The following ZIK1 variants were observed in gnomAD, a reference collection of about 807,000 sequenced individuals.
The protein encoded by ZIK1 is zinc finger protein interacting with K protein 1.
Under a neutral mutation model 10.7 loss-of-function variants are expected in ZIK1, and 12 were observed. The observed-to-expected ratio is 1.12, with a 90% CI of 0.72 to 1.81. ZIK1 has a LOEUF of 1.81. ZIK1 is among the 40% of genes most tolerant of loss of function. ZIK1 has a pLI of 0.00. For missense variants in ZIK1, 497 were observed against 585.7 expected, an observed-to-expected ratio of 0.85 and a Z score of 1.56; for synonymous variants, 190 against 205.0, an observed-to-expected ratio of 0.93 and a Z score of 0.63.
At chr19:57,585,257 C>T (rs1979040815) in intron 2 of ZIK1, among the ~76,000 whole-genome samples, 1 of 152,190 alleles carries the variant, frequency 6.6e-6, no homozygotes, top group African/African-American at 2.4e-5. Context: ...CACAACTCTC[C>T]TTTCTTTCTC....
intron 1 of ZIK1, 28 bp downstream of exon 1, chr19:57,584,417 C>T (rs754367668): frequency 1.2e-6 from 2 of 1,604,864 alleles, no homozygotes; most frequent in South Asian, 1.1e-5. Context: ...TGGGCCTCAC[C>T]CTCCATCCCC....
Position 57,591,163 on chromosome 19 carries a change from T to C in ZIK1, c.1352T>C (p.Ile451Thr). The change falls in exon 4 of 4, where the codon ATT (isoleucine) becomes ACT (threonine). Residue 451 changes from isoleucine (I) to threonine (T), a missense_variant. Physicochemically the swap from Ile to Thr is moderately conservative, Grantham distance 89 (BLOSUM62 -1). Coordinates refer to ENST00000597850, the MANE Select transcript of ZIK1 (RefSeq NM_001010879.4). The stretch of plus-strand genomic sequence containing the variant: ...TCCTTTAGCCAAAAGTCTGGTCTCA[T>C]TCAACACCAAGTGGTTCACACTGGA... ...GKSFSQKSGL[I>T]QHQVVHTGER... is the part of the protein sequence containing the mutation. 2.5e-6 allele frequency: 4 copies of C among 1,614,106 alleles called. No homozygotes were observed. The highest frequency in any genetic ancestry group is 3.4e-6 in the Non-Finnish European group (4 of 1,180,014).
Position 57,590,047 on chromosome 19 carries a change from C to T in ZIK1, c.236C>T (p.Ser79Phe), listed in dbSNP as rs766499307. The T allele has an allele frequency of 6.2e-7, 1 of 1,614,194 alleles. No individual in the cohort carries two copies. The highest frequency in any genetic ancestry group is 8.5e-7 in the Non-Finnish European group (1 of 1,180,012). Reference protein sequence around the residue: ...GHGTEDEETPSDQNVSVGVSQ... With the variant: ...GHGTEDEETPFDQNVSVGVSQ... Reference sequence around the variant, plus strand: ...GGAACAGAGGATGAAGAGACACCTTCTGACCAGAATGTTTCTGTAGGAGTG... The same window carrying T: ...GGAACAGAGGATGAAGAGACACCTTTTGACCAGAATGTTTCTGTAGGAGTG... The change falls in exon 4 of 4, where the codon TCT becomes TTT. Residue 79 changes from serine (S) to phenylalanine (F), a missense_variant. Coordinates refer to ENST00000597850, the MANE Select transcript of ZIK1 (RefSeq NM_001010879.4).
Position 57,592,476 on chromosome 19 carries a change from T to C in ZIK1, c.*1201T>C, listed in dbSNP as rs1365486014. On this transcript the variant is annotated 3_prime_UTR_variant, in exon 4 of 4. Transcript: ENST00000597850. The stretch of plus-strand genomic sequence containing the variant: ...TTAAAGGGTTTTATTTTTTAATTCT[T>C]GTTGGTTTTCTAGGTTGTTCACCTC... 1.3e-5 allele frequency: 2 copies of C among 152,232 alleles called. No individual in the cohort carries two copies. Among genetic ancestry groups the C allele is most frequent in the African/African-American group, 4.8e-5 (2 of 41,452 alleles). The allele number at this position is 152,232 out of a possible 1,614,324, so 9.4% of individuals were successfully genotyped here.
chr19:57,590,765 T>C lies in ZIK1; in HGVS notation c.954T>C (p.Thr318=). 6.2e-7 allele frequency: 1 copy of C among 1,614,142 alleles called. No individual in the cohort carries two copies. Among genetic ancestry groups the C allele is most frequent in the Non-Finnish European group, 8.5e-7 (1 of 1,180,024 alleles). The part of the protein sequence containing the change: ...SSLVDHQKIH[T]GARPYECSQC... ...TTGTTGACCACCAGAAAATACACAC[T>C]GGAGCAAGGCCTTATGAGTGTAGCC... The change falls in exon 4 of 4, where the codon ACT becomes ACC. Residue 318 remains threonine, a synonymous_variant. Transcript: ENST00000597850.
chr19:57,589,545 A>G (rs905916350), intron 3 of ZIK1: 7 of 985,296 alleles, frequency 7.1e-6, no homozygotes, highest in Non-Finnish European at 8.4e-6. Context: ...ATTGACACAC[A>G]CATAATGTCT....
Position 57,584,338 on chromosome 19 carries a change from G to C in ZIK1, c.-19G>C. On this transcript the variant is annotated 5_prime_UTR_variant, in exon 1 of 4. Coordinates refer to ENST00000597850, the MANE Select transcript of ZIK1 (RefSeq NM_001010879.4). Reference sequence around the variant, plus strand: ...CCCGTAGCTGTCGGGTCCCGGCCCCGCTCTGCCCACAGACTCCGATGGCTG... The same window carrying C: ...CCCGTAGCTGTCGGGTCCCGGCCCCCCTCTGCCCACAGACTCCGATGGCTG... 3 of 1,588,684 alleles carry C rather than the reference G, an allele frequency of 1.9e-6. No homozygotes were observed. The highest frequency in any genetic ancestry group is 2.6e-6 in the Non-Finnish European group (3 of 1,168,088).
intron 1 of ZIK1, 111 bp downstream of exon 1, chr19:57,584,500 C>A: frequency 6.9e-7 from 1 of 1,440,698 alleles, no homozygotes; most frequent in Middle Eastern, 1.8e-4. Flanking sequence ...TGGGTGGGGT[C>A]CCTATTTCCA....
chr19:57,584,657 G>A, intron 1 of ZIK1: 1 of 1,384,542 alleles, frequency 7.2e-7, no homozygotes, highest in Non-Finnish European at 9.3e-7. Flanking sequence ...GAGCCGTGGA[G>A]GGTTGTGTAC....
At chr19:57,584,736 T>A in intron 1 of ZIK1, 1 of 1,066,354 alleles carries the variant, frequency 9.4e-7, no homozygotes, top group Non-Finnish European at 1.3e-6. Flanking sequence ...TAGACTAGAA[T>A]AGAATGGAAT....
In ZIK1 at chr19:57,590,426, C is replaced by T. The variant is rs771780774; in HGVS notation, c.615C>T (p.Arg205=). 1 of 1,613,978 alleles carries T rather than the reference C, an allele frequency of 6.2e-7. No individual in the cohort carries two copies. The highest frequency in any genetic ancestry group is 8.5e-7 in the Non-Finnish European group (1 of 1,180,002). ...TTACTGAATGTGGGGAGGACATTCG[C>T]AGTCAAAAAAGTCATTACAAGTCAG... ...GTITECGEDI[R]SQKSHYKSGE... The change falls in exon 4 of 4, where the codon CGC becomes CGT. Residue 205 remains arginine (R), a synonymous_variant. Coordinates refer to ENST00000597850, the MANE Select transcript of ZIK1 (RefSeq NM_001010879.4).
At chr19:57,585,789 A>G (rs1014691777) in intron 2 of ZIK1, among the ~76,000 whole-genome samples, 1 of 151,444 alleles carries the variant, frequency 6.6e-6, no homozygotes, top group Non-Finnish European at 1.5e-5. Context: ...GCTCTTTGCA[A>G]CCTCCACCTC....
At chr19:57,585,717 T>C (rs1419721395) in intron 2 of ZIK1, among the ~76,000 whole-genome samples, 1 of 152,140 alleles carries the variant, frequency 6.6e-6, no homozygotes, top group African/African-American at 2.4e-5. Context: ...TATTTATTTA[T>C]TTGTCTATTT....
chr19:57,587,483 C>T (rs1180047181), intron 2 of ZIK1, among the ~76,000 whole-genome samples: 1 of 152,110 alleles, frequency 6.6e-6, no homozygotes, highest in Non-Finnish European at 1.5e-5. Flanking sequence ...AGTGAGTGCT[C>T]TTAAACAAAG....
Position 57,584,314 on chromosome 19 carries a change from C to A in ZIK1, c.-43C>A, listed in dbSNP as rs1355576195. 3.2e-6 allele frequency: 5 copies of A among 1,561,252 alleles called. No homozygotes were observed. The highest frequency in any genetic ancestry group is 4.3e-6 in the Non-Finnish European group (5 of 1,153,342). The stretch of plus-strand genomic sequence containing the variant: ...GACGGCTTTGCCTAGGTCCCTCCGC[C>A]CGTAGCTGTCGGGTCCCGGCCCCGC... On this transcript the variant is annotated 5_prime_UTR_variant, in exon 1 of 4. Transcript: ENST00000597850.
In ZIK1 at chr19:57,590,713, GA is replaced by G. The variant is rs760999366; in HGVS notation, c.906del (p.Lys302AsnfsTer209). 1.2e-6 allele frequency: 2 copies of G among 1,614,178 alleles called. No individual in the cohort carries two copies. Among genetic ancestry groups the G allele is most frequent in the Non-Finnish European group, 1.7e-6 (2 of 1,180,034 alleles). ...GERPYECSEC[G>X]KLFRQNSSLV... ...AGGCCTTATGAGTGCAGCGAATGTGGAAAATTATTTAGACAAAACTCCAGCC... is the reference window on the plus strand; with the variant it reads ...AGGCCTTATGAGTGCAGCGAATGTGGAAATTATTTAGACAAAACTCCAGCC... On this transcript the variant is annotated frameshift_variant, in exon 4 of 4. Transcript: ENST00000597850. LOFTEE classifies it low-confidence loss of function (END_TRUNC).
chr19:57,588,662 C>T lies in ZIK1; in HGVS notation c.196C>T (p.Leu66=). The T allele has an allele frequency of 1.3e-6, 2 of 1,554,778 alleles. No homozygotes were observed. Among genetic ancestry groups the T allele is most frequent in the Admixed American group, 3.7e-5 (2 of 54,284 alleles). The change falls in exon 3 of 4, where the codon CTG becomes TTG. Residue 66 remains leucine (L), a synonymous_variant. Transcript: ENST00000597850. ...GGAGAACTTTGCCCTTGTAGCCTCACTGGGTAAGGCCCTAATACCAACTCC... is the reference window on the plus strand; with the variant it reads ...GGAGAACTTTGCCCTTGTAGCCTCATTGGGTAAGGCCCTAATACCAACTCC... ...MLENFALVAS[L]GCGHGTEDEE...
At position 57,590,381 on chromosome 19, in the gene ZIK1, A is replaced by C. The variant is rs903073780; in HGVS notation, c.570A>C (p.Gly190=). 1.9e-6 allele frequency: 3 copies of C among 1,614,058 alleles called. No homozygotes were observed. The African/African-American group carries it at 4.0e-5, about 22-fold the overall frequency. ...TTCTGAGGTCCCTGGTCTTTCCTGG[A>C]GGCAAGAAACCCGGCACAATTACTG... is the stretch of plus-strand genomic sequence containing the variant. ...LRLLRSLVFP[G]GKKPGTITEC... The change falls in exon 4 of 4, where the codon GGA becomes GGC. Residue 190 remains glycine, a synonymous_variant. Transcript: ENST00000597850.
Position 57,588,603 on chromosome 19 carries a change from A to G in ZIK1, c.137A>G (p.Glu46Gly), listed in dbSNP as rs1048736979. 2 of 1,588,304 alleles carry G rather than the reference A, an allele frequency of 1.3e-6. No homozygotes were observed. Among genetic ancestry groups the G allele is most frequent in the Non-Finnish European group, 1.7e-6 (2 of 1,164,734 alleles). ...CAGGACGAGTGGGGACTTCTTGATG[A>G]GGCTCAGAGACTCCTGTACCTTGAA... is the stretch of plus-strand genomic sequence containing the variant. ...FSQDEWGLLD[E>G]AQRLLYLEVM... Residue 46 changes from glutamate (E) to glycine (G), a missense_variant, in exon 3 of 4, where the codon GAG (glutamate) becomes GGG (glycine). Physicochemically the swap from Glu to Gly is moderately conservative, Grantham distance 98. Coordinates refer to ENST00000597850, the MANE Select transcript of ZIK1 (RefSeq NM_001010879.4).
Sources: allele counts gnomAD v4.1 joint callset (sites outside exome capture counted in the v4.1 genomes callset), GRCh38; gene constraint gnomAD v4.1.1; transcripts MANE v1.5; gene names NCBI Gene and HGNC (gene_info 2026-07-23, HGNC 2026-07-21).